CNTNAP2: variants seen among roughly 807,000 people sequenced by gnomAD.
The protein encoded by CNTNAP2 is contactin associated protein 2, also known as contactin-associated protein-like 2.
Under a neutral mutation model 155.2 loss-of-function variants are expected in CNTNAP2, and 98 were observed. The observed-to-expected ratio is 0.63, with a 90% CI of 0.54 to 0.75. The LOEUF (loss-of-function observed/expected upper bound fraction) is 0.75, where lower values mean the gene tolerates loss of function less well. Among genes scored for constraint, CNTNAP2 ranks in the 30% least tolerant of loss-of-function variants. The probability of loss-of-function intolerance (pLI) is 0.00; values close to 1 mark genes in which losing one functional copy is unlikely to be tolerated. For synonymous variants in CNTNAP2, 651 were observed against 631.2 expected (o/e 1.03, Z -0.47); for missense variants, 1,727 against 1,688.1 (o/e 1.02, Z -0.40).
At chr7:147,832,566 TA>T in intron 13 of CNTNAP2, among the ~76,000 whole-genome samples, 2 of 146,054 alleles carry the variant, frequency 1.4e-5, no homozygotes, top group Admixed American at 6.9e-5. Context: ...TGAAATATAT[TA>T]TATTGAAATA....
At chr7:148,177,796 A>G (rs999248948) in intron 18 of CNTNAP2, among the ~76,000 whole-genome samples, 6 of 152,230 alleles carry the variant, frequency 3.9e-5, no homozygotes, top group African/African-American at 1.4e-4. Context: ...CTCTAGTCTT[A>G]AAGCTTTTTG....
At chr7:146,726,966 GTTTTCC>G (rs1441171649) in intron 1 of CNTNAP2, among the ~76,000 whole-genome samples, 1 of 151,858 alleles carries the variant, frequency 6.6e-6, no homozygotes, top group African/African-American at 2.4e-5. Flanking sequence ...TACTTGCTTG[GTTTTCC>G]TTTTGTTTTT....
chr7:146,598,071 C>T (rs576147497), intron 1 of CNTNAP2, among the ~76,000 whole-genome samples: 1 of 152,088 alleles, frequency 6.6e-6, no homozygotes, highest in Non-Finnish European at 1.5e-5. Flanking sequence ...CCAGTCCCTG[C>T]CTACTCTGTT....
At chr7:146,714,215 A>G (rs1183586138) in intron 1 of CNTNAP2, among the ~76,000 whole-genome samples, 1 of 152,050 alleles carries the variant, frequency 6.6e-6, no homozygotes, top group Non-Finnish European at 1.5e-5. Context: ...CATAGCTCTC[A>G]CACTTCATTT....
intron 1 of CNTNAP2, among the ~76,000 whole-genome samples, chr7:146,140,826 A>G (rs537881743): frequency 6.6e-6 from 1 of 152,046 alleles, no homozygotes; most frequent in Admixed American, 6.6e-5. Flanking sequence ...TATTTTGGAA[A>G]TTTACTGTGG....
intron 12 of CNTNAP2, among the ~76,000 whole-genome samples, chr7:147,599,546 T>C (rs938106510): frequency 6.6e-6 from 1 of 151,258 alleles, no homozygotes; most frequent in Non-Finnish European, 1.5e-5. Flanking sequence ...ATTTATCCTC[T>C]CATAGTTCTG....
intron 1 of CNTNAP2, among the ~76,000 whole-genome samples, chr7:146,690,595 C>A (rs951430596): frequency 1.3e-5 from 2 of 152,038 alleles, no homozygotes; most frequent in African/African-American, 4.8e-5. Flanking sequence ...TTGTTTTATG[C>A]GTATGATAGC....
chr7:146,490,113 A>G (rs888828200), intron 1 of CNTNAP2, among the ~76,000 whole-genome samples: 1 of 152,144 alleles, frequency 6.6e-6, no homozygotes, highest in Non-Finnish European at 1.5e-5. Flanking sequence ...GGGGGATTTC[A>G]CTGGGGACCT....
intron 1 of CNTNAP2, among the ~76,000 whole-genome samples, chr7:146,628,577 A>C (rs1036423358): frequency 6.6e-6 from 1 of 152,152 alleles, no homozygotes; most frequent in African/African-American, 2.4e-5. Flanking sequence ...ATACTTCAAA[A>C]TATAATGTGG....
chr7:146,816,138 C>A (rs751353950), intron 2 of CNTNAP2, among the ~76,000 whole-genome samples: 2 of 152,112 alleles, frequency 1.3e-5, no homozygotes, highest in Non-Finnish European at 2.9e-5. Context: ...ATATGTGCCA[C>A]GTTTTCTTAA....
chr7:146,843,532 C>G (rs1352345039), intron 3 of CNTNAP2, among the ~76,000 whole-genome samples: 1 of 151,086 alleles, frequency 6.6e-6, no homozygotes, highest in Non-Finnish European at 1.5e-5. Context: ...TACCAGTAAG[C>G]CTGCCACATA....
chr7:147,832,393 A>G (rs1285523784), intron 13 of CNTNAP2, among the ~76,000 whole-genome samples: 1 of 146,754 alleles, frequency 6.8e-6, no homozygotes, highest in Non-Finnish European at 1.5e-5. Flanking sequence ...AGAATTATAT[A>G]TAATTAGGCT....
intron 4 of CNTNAP2, among the ~76,000 whole-genome samples, chr7:147,062,678 G>T (rs1165264086): frequency 6.6e-6 from 1 of 152,020 alleles, no homozygotes; most frequent in East Asian, 1.9e-4. Context: ...TGAAGGTAAG[G>T]ATTTATACAT....
intron 1 of CNTNAP2, among the ~76,000 whole-genome samples, chr7:146,143,097 T>C (rs1175319460): frequency 6.6e-6 from 1 of 152,178 alleles, no homozygotes; most frequent in African/African-American, 2.4e-5. Flanking sequence ...TTGTTATCTG[T>C]GTCAATGGTG....
At chr7:146,642,195 A>G (rs991166552) in intron 1 of CNTNAP2, among the ~76,000 whole-genome samples, 1 of 151,374 alleles carries the variant, frequency 6.6e-6, no homozygotes, top group African/African-American at 2.4e-5. Flanking sequence ...TTTAGGGTAC[A>G]TGTGCACAAT....
intron 15 of CNTNAP2, among the ~76,000 whole-genome samples, chr7:148,011,395 A>G (rs1802078385): frequency 6.6e-6 from 1 of 152,110 alleles, no homozygotes; most frequent in African/African-American, 2.4e-5. Flanking sequence ...TCTAGAGAGT[A>G]TTTTATTATT....
intron 1 of CNTNAP2, among the ~76,000 whole-genome samples, chr7:146,665,782 T>C (rs371393787): frequency 1.2e-4 from 1 of 8,560 alleles, no homozygotes; most frequent in Admixed American, 3.4e-4. Context: ...CTCTGTCTCA[T>C]TAAAAAAAAA....
intron 1 of CNTNAP2, among the ~76,000 whole-genome samples, chr7:146,392,884 A>G (rs914291270): frequency 3.9e-5 from 6 of 152,160 alleles, no homozygotes; most frequent in Admixed American, 6.6e-5. Context: ...CCGTTGAAAG[A>G]AAGTGACTGC....
intron 1 of CNTNAP2, among the ~76,000 whole-genome samples, chr7:146,176,429 A>G (rs1257475905): frequency 2.0e-5 from 3 of 152,196 alleles, no homozygotes; most frequent in Non-Finnish European, 4.4e-5. Context: ...CAAGAGTACT[A>G]GGGGAAGTGA....
Sources: gnomAD v4.1 joint callset for allele counts (sites outside exome capture counted in the v4.1 genomes callset) on GRCh38, gnomAD v4.1.1 for gene constraint, MANE v1.5 for transcripts, NCBI Gene and HGNC (gene_info 2026-07-23, HGNC 2026-07-21) for gene names.